Variants in TXNL4A observed in about 807,000 individuals in gnomAD.
TXNL4A encodes the protein thioredoxin like 4A.
Under a neutral mutation model 14.6 loss-of-function variants are expected in TXNL4A, and 17 were observed. That is an observed-to-expected ratio of 1.16 (90% CI 0.80 to 1.74). TXNL4A has a LOEUF of 1.74. Ranked by LOEUF, TXNL4A falls within the 40% of genes most tolerant of loss-of-function variation. The pLI is 0.00. For synonymous variants in TXNL4A, 83 were observed against 70.6 expected (o/e 1.18, Z -0.88); for missense variants, 74 against 195.2 (o/e 0.38, Z 3.70).
chr18:79,974,679 A>T lies in TXNL4A; in HGVS notation c.258-823T>A, dbSNP rs542576769. Among the ~76,000 whole-genome samples, 5 of 152,232 alleles carry T rather than the reference A, an allele frequency of 3.3e-5. No homozygotes were observed. In the South Asian group the frequency reaches 1.0e-3, roughly 32 times the overall value. On this transcript the variant is annotated intron_variant, in intron 2 of 2. Transcript: ENST00000269601. The stretch of plus-strand genomic sequence containing the variant: ...TTTTTTGTAAAGATGGGGTGTCCCC[A>T]TGTTGGCCAGGCTGGTCTCAAACTC...
At chr18:79,986,088 G>A (rs1195624783) in intron 1 of TXNL4A, among the ~76,000 whole-genome samples, 1 of 151,598 alleles carries the variant, frequency 6.6e-6, no homozygotes, top group Non-Finnish European at 1.5e-5. Context: ...TGCCCAGGCT[G>A]GAGTTCAGTG....
At chr18:80,021,794 G>A (rs2051850810) in intron 1 of TXNL4A, among the ~76,000 whole-genome samples, 1 of 152,074 alleles carries the variant, frequency 6.6e-6, no homozygotes, top group African/African-American at 2.4e-5. Flanking sequence ...TCAGCTTTTG[G>A]CTTTAGCGGG....
intron 1 of TXNL4A, among the ~76,000 whole-genome samples, chr18:79,985,454 T>C (rs1033397267): frequency 6.6e-6 from 1 of 151,910 alleles, no homozygotes; most frequent in African/African-American, 2.4e-5. Context: ...GGTTTCACCA[T>C]GTTGCCCGGG....
intron 1 of TXNL4A, among the ~76,000 whole-genome samples, chr18:80,008,376 C>T (rs932660699): frequency 7.2e-5 from 11 of 152,156 alleles, no homozygotes; most frequent in Non-Finnish European, 1.2e-4. Flanking sequence ...GTGCCCCTGC[C>T]ATCCATCCCA....
intron 1 of TXNL4A, among the ~76,000 whole-genome samples, chr18:79,983,715 T>A (rs2051499162): frequency 6.6e-6 from 1 of 152,236 alleles, no homozygotes; most frequent in Non-Finnish European, 1.5e-5. Flanking sequence ...GCTCTCACAA[T>A]AACTTGCAAA....
At chr18:79,984,942 CCT>C (rs751365708) in intron 1 of TXNL4A, among the ~76,000 whole-genome samples, 22 of 152,272 alleles carry the variant, frequency 1.4e-4, no homozygotes, top group Non-Finnish European at 2.2e-4. Flanking sequence ...GAAATTGTCC[CCT>C]CTGAGAGCGT....
intron 1 of TXNL4A, among the ~76,000 whole-genome samples, chr18:80,032,796 C>G (rs2051931396): frequency 6.6e-6 from 1 of 152,184 alleles, no homozygotes; most frequent in Non-Finnish European, 1.5e-5. Context: ...GCCGGGATCA[C>G]GCCAGTGCCC....
chr18:80,001,144 G>C (rs1185545569), intron 1 of TXNL4A, among the ~76,000 whole-genome samples: 3 of 152,208 alleles, frequency 2.0e-5, no homozygotes, highest in Non-Finnish European at 4.4e-5. Flanking sequence ...ATGGCTAAAA[G>C]GGGCCAAGGT....
chr18:79,980,778 T>G (rs1311397242), intron 1 of TXNL4A, among the ~76,000 whole-genome samples: 1 of 152,128 alleles, frequency 6.6e-6, no homozygotes, highest in Non-Finnish European at 1.5e-5. Context: ...TGCAGGAGCA[T>G]GCAACTCGCC....
Position 79,988,222 on chromosome 18 carries a change from G to C in TXNL4A, c.153+18C>G, listed in dbSNP as rs920698916. On this transcript the variant is annotated intron_variant, in intron 1 of 2. Coordinates refer to ENST00000269601, the MANE Select transcript of TXNL4A (RefSeq NM_006701.5). ...TGCGGAAGCACAGCCCGCAGAGCGG[G>C]AGAGTCCGGCGCGCTACCTTCTCGG... 3.3e-6 allele frequency: 5 copies of C among 1,504,238 alleles called. No individual in the cohort carries two copies. The highest frequency in any genetic ancestry group is 2.8e-5 in the African/African-American group (2 of 71,862). The allele number at this position is 1,504,238 out of a possible 1,614,324, so 93.2% of individuals were successfully genotyped here.
rs1226878647 is a variant in TXNL4A at position 79,982,563 on chromosome 18, G to A, written c.154-4862C>T. Among the ~76,000 whole-genome samples, 1 of 152,184 alleles carries A rather than the reference G, an allele frequency of 6.6e-6. No individual in the cohort carries two copies. Among genetic ancestry groups the A allele is most frequent in the African/African-American group, 2.4e-5 (1 of 41,440 alleles). On this transcript the variant is annotated intron_variant, in intron 1 of 2. Coordinates refer to ENST00000269601, the MANE Select transcript of TXNL4A (RefSeq NM_006701.5). The surrounding 1 kb of genome is among the most constrained non-coding windows in gnomAD (Gnocchi z 4.0). ...GCAGGAAAGGGATGCCAAGGAGGCA[G>A]TCTCAGAAACCAAGGCAGGAGACTC...
chr18:80,026,989 G>C (rs1837248577), intron 1 of TXNL4A, among the ~76,000 whole-genome samples: 1 of 152,298 alleles, frequency 6.6e-6, no homozygotes, highest in South Asian at 2.1e-4. Flanking sequence ...GGGGAGAAGA[G>C]AAGACATTGG....
At chr18:80,004,566 G>T (rs2051717540) in intron 1 of TXNL4A, among the ~76,000 whole-genome samples, 2 of 152,172 alleles carry the variant, frequency 1.3e-5, no homozygotes, top group South Asian at 4.1e-4. Context: ...GGGTTACTTT[G>T]CTGGTTGAAG....
upstream of TXNL4A, among the ~76,000 whole-genome samples, chr18:79,992,223 G>A (rs1451410082): frequency 6.6e-6 from 1 of 152,222 alleles, no homozygotes; most frequent in East Asian, 1.9e-4. Flanking sequence ...ATACTGGTAG[G>A]TATAAAATGA....
Position 79,973,641 on chromosome 18 carries a change from C to G in TXNL4A, c.*44G>C. On this transcript the variant is annotated 3_prime_UTR_variant, in exon 3 of 3. Coordinates refer to ENST00000269601, the MANE Select transcript of TXNL4A (RefSeq NM_006701.5). ...TTAAATAGCTTAAAACGTTTCCATA[C>G]AAAAAGGGCTCCACGACATTTATCC... 6.4e-7 allele frequency: 1 copy of G among 1,567,082 alleles called. No individual in the cohort carries two copies. Among genetic ancestry groups the G allele is most frequent in the East Asian group, 2.3e-5 (1 of 44,334 alleles).
upstream of TXNL4A, among the ~76,000 whole-genome samples, chr18:79,991,380 A>G (rs12605166): frequency 0.11 from 17,049 of 152,026 alleles, 1,185 homozygotes; most frequent in East Asian, 0.27. Flanking sequence ...AACACAAAAT[A>G]TGGAGTCGTT....
intron 1 of TXNL4A, among the ~76,000 whole-genome samples, chr18:79,986,020 T>C (rs1206938599): frequency 6.6e-6 from 1 of 150,788 alleles, no homozygotes; most frequent in Non-Finnish European, 1.5e-5. Flanking sequence ...TGAATATTCT[T>C]TTAATGCATT....
rs1311597250 is a variant in TXNL4A, at chr18:79,972,866, A to C, written c.*819T>G. ...GGGAAGAATAAAAAATAGCTCTCCT[A>C]TTCCTTACAGGGAAGGCTATAAACA... is the stretch of plus-strand genomic sequence containing the variant. On this transcript the variant is annotated 3_prime_UTR_variant, in exon 3 of 3. Coordinates refer to ENST00000269601, the MANE Select transcript of TXNL4A (RefSeq NM_006701.5). The C allele has an allele frequency of 6.6e-6, 1 of 152,222 alleles. No homozygotes were observed. The highest frequency in any genetic ancestry group is 1.5e-5 in the Non-Finnish European group (1 of 68,046). 9.4% of individuals were successfully genotyped at this position (152,222 alleles called of 1,614,324 possible).
At chr18:79,983,155 C>G (rs2051489910) in intron 1 of TXNL4A, among the ~76,000 whole-genome samples, 1 of 152,150 alleles carries the variant, frequency 6.6e-6, no homozygotes, top group Non-Finnish European at 1.5e-5. Flanking sequence ...CGCCCACCAC[C>G]ACATCTGGCT....
Sources: allele counts gnomAD v4.1 joint callset (sites outside exome capture counted in the v4.1 genomes callset), GRCh38; gene constraint gnomAD v4.1.1; non-coding constraint Gnocchi (gnomAD v3.1); transcripts MANE v1.5; gene names NCBI Gene and HGNC (gene_info 2026-07-23, HGNC 2026-07-21).